The following FCN2 variants were observed in gnomAD, a reference collection of about 807,000 sequenced individuals.
FCN2 encodes the protein ficolin 2.
FCN2 carries 31 observed loss-of-function variants against 32.5 expected under a neutral mutation model. The observed-to-expected ratio is 0.96, with a 90% CI of 0.72 to 1.29. FCN2 has a LOEUF of 1.29. Ranked by LOEUF, FCN2 falls within the 50% of genes most tolerant of loss-of-function variation. The pLI is 0.00. For missense variants in FCN2, 412 were observed against 406.5 expected, an observed-to-expected ratio of 1.01 and a Z score of -0.12; for synonymous variants, 181 against 164.5, an observed-to-expected ratio of 1.10 and a Z score of -0.77.
chr9:134,880,684 G>A (rs532150073), upstream of FCN2: 21 of 726,038 alleles, frequency 2.9e-5, no homozygotes, highest in African/African-American at 1.7e-4. Context: ...AGATGATCTC[G>A]CACCTCCTGC....
upstream of FCN2, among the ~76,000 whole-genome samples, chr9:134,880,103 C>T (rs1830642444): frequency 6.6e-6 from 1 of 152,108 alleles, no homozygotes; most frequent in Non-Finnish European, 1.5e-5. Flanking sequence ...AATTCACCTA[C>T]TCTCATCCTC....
chr9:134,865,901 G>A, the FCN2 span, among the ~76,000 whole-genome samples: 7 of 151,880 alleles, frequency 4.6e-5, no homozygotes, highest in Admixed American at 6.6e-5. Context: ...GCTTCAAAGA[G>A]AATAAAATAC....
In FCN2 at chr9:134,885,276, C is replaced by T. The variant is rs778843672; in HGVS notation, c.339C>T (p.His113=). ...GCAAGGACCTGCTAGACCGAGGGCACTTCCTGAGCGGCTGGCACACCATCT... is the reference window on the plus strand; with the variant it reads ...GCAAGGACCTGCTAGACCGAGGGCATTTCCTGAGCGGCTGGCACACCATCT... The part of the protein sequence containing the change: ...RTCKDLLDRG[H]FLSGWHTIYL... Residue 113 remains histidine, a synonymous_variant, in exon 5 of 8, where the codon CAC becomes CAT. Coordinates refer to ENST00000291744, the MANE Select transcript of FCN2 (RefSeq NM_004108.3). 5 of 1,614,174 alleles carry T rather than the reference C, an allele frequency of 3.1e-6. No homozygotes were observed. The highest frequency in any genetic ancestry group is 2.2e-5 in the East Asian group (1 of 44,864).
chr9:134,887,077 G>A, intron 7 of FCN2, 91 bp from the exon 8 acceptor site: 1 of 1,456,586 alleles, frequency 6.9e-7, no homozygotes, highest in Non-Finnish European at 9.6e-7. Context: ...ATACATGGAG[G>A]ACACACCAGG....
At chr9:134,880,677 T>C, upstream of FCN2, 1 of 710,006 alleles carries the variant, frequency 1.4e-6, no homozygotes, top group African/African-American at 1.8e-5. Flanking sequence ...GCCCTGGAGA[T>C]GATCTCGCAC....
At chr9:134,871,986 C>T in the FCN2 span, among the ~76,000 whole-genome samples, 1 of 128,796 alleles carries the variant, frequency 7.8e-6, no homozygotes, top group Admixed American at 9.8e-5. Context: ...CTGTGCTTTT[C>T]TCTGTCACTA....
upstream of FCN2, among the ~76,000 whole-genome samples, chr9:134,878,252 G>A (rs1830620409): frequency 2.0e-5 from 3 of 152,142 alleles, no homozygotes; most frequent in Admixed American, 2.0e-4. Context: ...TTAATACAGG[G>A]GGGTAGAAAA....
At chr9:134,886,051 C>T (rs934780171) in intron 6 of FCN2, among the ~76,000 whole-genome samples, 154 bp downstream of exon 6, 1 of 152,278 alleles carries the variant, frequency 6.6e-6, no homozygotes, top group East Asian at 1.9e-4. Context: ...CCGAGGGCTT[C>T]GTCCCTGCTG....
upstream of FCN2, among the ~76,000 whole-genome samples, chr9:134,880,521 G>A (rs553596007): frequency 2.6e-5 from 4 of 152,346 alleles, no homozygotes; most frequent in Admixed American, 6.5e-5. Flanking sequence ...GGTGACATCT[G>A]CTCACCGCTG....
chr9:134,870,549 C>T, the FCN2 span, among the ~76,000 whole-genome samples: 7 of 152,106 alleles, frequency 4.6e-5, no homozygotes, highest in African/African-American at 7.2e-5. The surrounding 1 kb of genome is among the most constrained non-coding windows in gnomAD (Gnocchi z 4.3). Context: ...TAAGTGCCCT[C>T]GGGGGGTGCC....
chr9:134,875,817 G>A (rs986231651), upstream of FCN2, among the ~76,000 whole-genome samples: 1 of 152,162 alleles, frequency 6.6e-6, no homozygotes, highest in African/African-American at 2.4e-5. Flanking sequence ...TACCTCAATT[G>A]TTGCTTTTGA....
chr9:134,879,484 G>A (rs550031118), upstream of FCN2, among the ~76,000 whole-genome samples: 130 of 152,142 alleles, frequency 8.5e-4, 2 homozygotes, highest in Non-Finnish European at 1.5e-3. Context: ...CAGCTCTGGG[G>A]ACCTGGCTCC....
chr9:134,866,856 A>C, the FCN2 span, among the ~76,000 whole-genome samples: 1 of 141,652 alleles, frequency 7.1e-6, no homozygotes, highest in South Asian at 2.4e-4. Context: ...TCTCAAAAGA[A>C]GACATTTATG....
intron 3 of FCN2, 107 bp from the exon 4 acceptor site, chr9:134,884,633 C>T (rs1220531194): frequency 2.6e-6 from 3 of 1,142,086 alleles, no homozygotes; most frequent in Non-Finnish European, 3.9e-6. Context: ...GGACCCATAC[C>T]ATCACCTCCT....
intron 1 of FCN2, 39 bp from the exon 2 acceptor site, chr9:134,882,487 C>T (rs776903772): frequency 6.5e-7 from 1 of 1,532,832 alleles, no homozygotes; most frequent in Non-Finnish European, 9.0e-7. Flanking sequence ...AGTCTTCAGG[C>T]CCAGGTGACA....
Position 134,887,152 on chromosome 9 carries a change from A to G in FCN2, c.695-16A>G. 6.2e-7 allele frequency: 1 copy of G among 1,613,922 alleles called. No individual in the cohort carries two copies. Among genetic ancestry groups the G allele is most frequent in the Middle Eastern group, 1.7e-4 (1 of 5,958 alleles). The stretch of plus-strand genomic sequence containing the variant: ...TGTTACTGCCTGTAACGATGCTCAC[A>G]TTTCCTCCTGCACAGGAGATTCCCT... On this transcript the variant is annotated splice_polypyrimidine_tract_variant and intron_variant, in intron 7 of 7. Transcript: ENST00000291744.
Position 134,883,317 on chromosome 9 carries a change from C to G in FCN2, c.230C>G (p.Pro77Arg). The change falls in exon 3 of 8, where the codon CCT (proline) becomes CGT (arginine). Residue 77 changes from proline (P) to arginine (R), a missense_variant. Transcript: ENST00000291744. ...TNGKRGERGPPGPPGKAGPPG... is the reference protein window; with the variant it reads ...TNGKRGERGPRGPPGKAGPPG... Reference sequence around the variant, plus strand: ...GAAATTGCAGGAGAACGTGGCCCCCCTGGACCTCCTGGGAAGGCAGGACCA... The same window carrying G: ...GAAATTGCAGGAGAACGTGGCCCCCGTGGACCTCCTGGGAAGGCAGGACCA... The G allele has an allele frequency of 6.2e-7, 1 of 1,613,672 alleles. No individual in the cohort carries two copies. The highest frequency in any genetic ancestry group is 8.5e-7 in the Non-Finnish European group (1 of 1,179,646).
the FCN2 span, among the ~76,000 whole-genome samples, chr9:134,869,546 G>C: frequency 6.6e-6 from 1 of 152,114 alleles, no homozygotes; most frequent in Non-Finnish European, 1.5e-5. Flanking sequence ...TCCCTTCCCC[G>C]CCTCTGGAAA....
the FCN2 span, among the ~76,000 whole-genome samples, chr9:134,865,402 C>A: frequency 6.6e-6 from 1 of 152,142 alleles, no homozygotes; most frequent in African/African-American, 2.4e-5. Context: ...GGACCAGGGG[C>A]CAGGGTAATG....
Sources: gnomAD v4.1 joint callset for allele counts (sites outside exome capture counted in the v4.1 genomes callset) on GRCh38, gnomAD v4.1.1 for gene constraint, Gnocchi (gnomAD v3.1) non-coding constraint, MANE v1.5 for transcripts, NCBI Gene and HGNC (gene_info 2026-07-23, HGNC 2026-07-21) for gene names.